Variants in EFCAB12 observed in about 807,000 individuals in gnomAD.
EFCAB12 encodes EF-hand calcium-binding domain-containing protein 12.
EFCAB12 carries 43 observed loss-of-function variants against 53.6 expected under a neutral mutation model. The ratio of observed to expected loss-of-function variants is 0.80; its 90% CI spans 0.63 to 1.03. EFCAB12 has a LOEUF of 1.03. Among genes scored for constraint, EFCAB12 ranks in the 50% least tolerant of loss-of-function variants. The pLI, the probability that EFCAB12 is intolerant of heterozygous loss-of-function variation, is 0.00. For missense variants in EFCAB12, 646 were observed against 730.6 expected (o/e 0.88, Z 1.34); for synonymous variants, 269 against 289.2 (o/e 0.93, Z 0.71).
Position 129,401,811 on chromosome 3 carries a change from G to A in EFCAB12, c.1501C>T (p.His501Tyr). 1.2e-6 allele frequency: 2 copies of A among 1,613,334 alleles called. No homozygotes were observed. The highest frequency in any genetic ancestry group is 2.2e-5 in the South Asian group (2 of 90,844). The change falls in exon 9 of 9, where the codon CAC becomes TAC. Residue 501 changes from histidine (H) to tyrosine (Y), a missense_variant. Transcript: ENST00000505956. Reference protein sequence around the residue: ...VKRSSGLQQTHPNSFWPGHLL... With the variant: ...VKRSSGLQQTYPNSFWPGHLL... ...TGACCCGGCCAGAAGGAATTGGGGTGTGTTTGCTGCAGACCACTGGACCTC... is the reference window on the plus strand; with the variant it reads ...TGACCCGGCCAGAAGGAATTGGGGTATGTTTGCTGCAGACCACTGGACCTC...
intron 4 of EFCAB12, 163 bp from the exon 5 acceptor site, chr3:129,411,517 C>T (rs530195927): frequency 8.2e-6 from 5 of 610,988 alleles, no homozygotes; most frequent in African/African-American, 3.8e-5. Flanking sequence ...TAAGCTGTAC[C>T]TTAGATGTGG....
rs9867650 is a variant in EFCAB12, at chr3:129,419,015, A to C, written c.487-567T>G. Among the ~76,000 whole-genome samples the C allele has an allele frequency of 2.9e-3, 444 of 152,144 alleles. 7 individuals are homozygous for C. Among genetic ancestry groups the C allele is most frequent in the African/African-American group, 8.7e-3 (360 of 41,482 alleles). Reference sequence around the variant, plus strand: ...GGTATTGTTCCTCTGTGCTCCTCCCAGGGTGCTTATTATAATAGAGACCCA... The same window carrying C: ...GGTATTGTTCCTCTGTGCTCCTCCCCGGGTGCTTATTATAATAGAGACCCA... On this transcript the variant is annotated intron_variant, in intron 2 of 8. Transcript: ENST00000505956.
chr3:129,410,969 T>C (rs1411229356), intron 5 of EFCAB12, among the ~76,000 whole-genome samples, 189 bp downstream of exon 5: 12 of 152,142 alleles, frequency 7.9e-5, no homozygotes, highest in Admixed American at 7.9e-4. Context: ...CTTACTACAT[T>C]TTACAAAAAC....
rs1323813938 is a variant in EFCAB12 at position 129,404,375 on chromosome 3, A to T, written c.1278T>A (p.Ile426=). 1.9e-6 allele frequency: 3 copies of T among 1,613,732 alleles called. No homozygotes were observed. The highest frequency in any genetic ancestry group is 2.5e-6 in the Non-Finnish European group (3 of 1,179,830). Reference sequence around the variant, plus strand: ...TGGGGCACACTTTGTCCATCTGGAAAATGATCTTGTCTCCTGGGTACAGCA... The same window carrying T: ...TGGGGCACACTTTGTCCATCTGGAATATGATCTTGTCTCCTGGGTACAGCA... ...KALLYPGDKI[I]FQMDKVCPIR... is the part of the protein sequence containing the mutation. The change falls in exon 7 of 9, where the codon ATT becomes ATA. Residue 426 remains isoleucine (I), a synonymous_variant. Transcript: ENST00000505956.
chr3:129,404,484 GTT>G (rs200388634), intron 6 of EFCAB12, 81 bp from the exon 7 acceptor site: 3,510 of 1,028,378 alleles, frequency 3.4e-3, no homozygotes, highest in South Asian at 4.1e-3. Context: ...CAGAGGAGGT[GTT>G]TTTTTTTTTT....
Position 129,418,314 on chromosome 3 carries a change from C to T in EFCAB12, c.621G>A (p.Lys207=). ...RKIKILEIFH[K]VGQGENQRIT... The stretch of plus-strand genomic sequence containing the variant: ...TTCTCTGGTTCTCACCCTGGCCCAC[C>T]TTGTGAAATATCTCCAGGATCTTGA... Residue 207 remains lysine, a synonymous_variant, in exon 3 of 9, where the codon AAG becomes AAA. Coordinates refer to ENST00000505956, the MANE Select transcript of EFCAB12 (RefSeq NM_207307.3). The T allele has an allele frequency of 6.2e-7, 1 of 1,613,550 alleles. No individual in the cohort carries two copies. Among genetic ancestry groups the T allele is most frequent in the African/African-American group, 1.3e-5 (1 of 75,036 alleles).
intron 6 of EFCAB12, among the ~76,000 whole-genome samples, chr3:129,404,839 G>A (rs569861789): frequency 2.4e-4 from 37 of 152,280 alleles, no homozygotes; most frequent in African/African-American, 8.2e-4. Context: ...TTGTTTTTCT[G>A]AGCAAGGTCT....
chr3:129,402,774 G>A (rs2071890931), intron 7 of EFCAB12, 195 bp from the exon 8 acceptor site: 2 of 581,186 alleles, frequency 3.4e-6, no homozygotes, highest in Admixed American at 3.2e-5. Context: ...GTGGGCTTGG[G>A]TCAGCTGGAC....
At chr3:129,418,100 A>G (rs542263490) in intron 3 of EFCAB12, among the ~76,000 whole-genome samples, 154 bp downstream of exon 3, 1 of 152,248 alleles carries the variant, frequency 6.6e-6, no homozygotes, top group South Asian at 2.1e-4. Flanking sequence ...TTCTAGCCTT[A>G]ATAAGTAATA....
At chr3:129,422,726 G>A (rs1056659388) in intron 1 of EFCAB12, among the ~76,000 whole-genome samples, 2 of 152,152 alleles carry the variant, frequency 1.3e-5, no homozygotes, top group African/African-American at 4.8e-5. Context: ...GTCTTGTTTT[G>A]TTTGACAACT....
rs2071935087 is a variant in EFCAB12 at position 129,405,371 on chromosome 3, A to C, written c.1250-968T>G. Among the ~76,000 whole-genome samples the C allele has an allele frequency of 1.3e-5, 2 of 152,222 alleles. 1 individual carries two copies. Among genetic ancestry groups the C allele is most frequent in the Non-Finnish European group, 2.9e-5 (2 of 68,040 alleles). ...TTGGGAAGGGGCTGTGGAGGTGAGAAGGAAGGAGAGGGAAGGGGGAGATAT... is the reference window on the plus strand; with the variant it reads ...TTGGGAAGGGGCTGTGGAGGTGAGACGGAAGGAGAGGGAAGGGGGAGATAT... On this transcript the variant is annotated intron_variant, in intron 6 of 8. Coordinates refer to ENST00000505956, the MANE Select transcript of EFCAB12 (RefSeq NM_207307.3).
At chr3:129,406,191 G>A (rs532751587) in intron 6 of EFCAB12, among the ~76,000 whole-genome samples, 19 of 152,292 alleles carry the variant, frequency 1.2e-4, no homozygotes, top group Middle Eastern at 3.4e-3. Flanking sequence ...CCACCACTGC[G>A]TAAGACCATG....
intron 6 of EFCAB12, 53 bp downstream of exon 6, chr3:129,408,592 C>T: frequency 6.5e-7 from 1 of 1,542,322 alleles, no homozygotes; most frequent in Non-Finnish European, 8.8e-7. Flanking sequence ...ACCCTCACCC[C>T]AGCTCTGGGG....
At chr3:129,418,043 C>T (rs796366477) in intron 3 of EFCAB12, among the ~76,000 whole-genome samples, 18 of 152,180 alleles carry the variant, frequency 1.2e-4, no homozygotes, top group African/African-American at 3.9e-4. Flanking sequence ...CAGACTGGTG[C>T]GGGGCAGATA....
At chr3:129,413,047 C>G (rs1246544217) in intron 4 of EFCAB12, 1 of 152,238 alleles carries the variant, frequency 6.6e-6, no homozygotes, top group East Asian at 1.9e-4. Flanking sequence ...CTCCAGCTTC[C>G]TCCTCGTAAA....
intron 3 of EFCAB12, 115 bp from the exon 4 acceptor site, chr3:129,415,516 A>G: frequency 7.7e-7 from 1 of 1,306,840 alleles, no homozygotes; most frequent in Non-Finnish European, 1.0e-6. Context: ...TTCATCCTCA[A>G]CCACTCCCTA....
rs1236887523 is a variant in EFCAB12, at chr3:129,417,341, C to CAA, written c.681+911_681+912dup. On this transcript the variant is annotated intron_variant, in intron 3 of 8. Transcript: ENST00000505956. Reference sequence around the variant, plus strand: ...TCTGCCTCAAAAAAAAAAAAAAAACCAAAAAAAAAAAACCCAAAACCAAAA... The same window carrying CAA: ...TCTGCCTCAAAAAAAAAAAAAAAACCAAAAAAAAAAAAAACCCAAAACCAAAA... Among the ~76,000 whole-genome samples the CAA allele has an allele frequency of 5.8e-4, 37 of 63,664 alleles. 1 individual carries two copies. Among genetic ancestry groups the CAA allele is most frequent in the South Asian group, 1.9e-3 (4 of 2,090 alleles). 41.8% of individuals were successfully genotyped at this position (63,664 alleles called of 152,430 possible). A position where few individuals can be genotyped will look rare whatever the true frequency, so the allele number is the denominator to read the frequency against.
At chr3:129,419,698 A>T (rs1471694777) in intron 2 of EFCAB12, among the ~76,000 whole-genome samples, 1 of 152,202 alleles carries the variant, frequency 6.6e-6, no homozygotes, top group East Asian at 1.9e-4. Context: ...GCCCAGGCCA[A>T]CATCCTGACT....
intron 1 of EFCAB12, among the ~76,000 whole-genome samples, chr3:129,427,274 G>T (rs182973103): frequency 1.1e-3 from 168 of 152,280 alleles, no homozygotes; most frequent in African/African-American, 3.2e-3. Flanking sequence ...ACAGGCGTGA[G>T]ATACTGTGCC....
Sources: gnomAD v4.1 joint callset for allele counts (sites outside exome capture counted in the v4.1 genomes callset) on GRCh38, gnomAD v4.1.1 for gene constraint, MANE v1.5 for transcripts, NCBI Gene and HGNC (gene_info 2026-07-23, HGNC 2026-07-21) for gene names.